EML1: variants seen among roughly 807,000 people sequenced by gnomAD.
EML1 encodes EMAP like 1.
Under a neutral mutation model 110.4 loss-of-function variants are expected in EML1, and 27 were observed. The observed-to-expected ratio is 0.24, with a 90% CI of 0.18 to 0.34. EML1 has a LOEUF of 0.34. Among genes scored for constraint, EML1 ranks in the 10% least tolerant of loss-of-function variants. The pLI is 1.00. For synonymous variants in EML1, 344 were observed against 385.8 expected, an observed-to-expected ratio of 0.89 and a Z score of 1.27; for missense variants, 741 against 1,030.9, an observed-to-expected ratio of 0.72 and a Z score of 3.85.
chr14:99,846,259 A>G (rs1450298701), intron 1 of EML1, among the ~76,000 whole-genome samples: 7 of 142,276 alleles, frequency 4.9e-5, no homozygotes, highest in African/African-American at 7.7e-5. Context: ...TTGGAATGCC[A>G]TTCTTATTTT....
rs11316684 is a variant in EML1, at chr14:99,915,412, CAA to C, written c.1752+736_1752+737del. 3.9e-3 allele frequency: 332 copies of C among 86,010 alleles called. 2 individuals are homozygous for C. The highest frequency in any genetic ancestry group is 0.013 in the Middle Eastern group (2 of 150). 5.3% of individuals were successfully genotyped at this position (86,010 alleles called of 1,614,324 possible). A position where few individuals can be genotyped will look rare whatever the true frequency, so the allele number is the denominator to read the frequency against. Reference sequence around the variant, plus strand: ...GGGCAACAAGAGCAAAATTCTGTCTCAAAAAAAAAAAAAAAAAAAAAAGTCAA... The same window carrying C: ...GGGCAACAAGAGCAAAATTCTGTCTCAAAAAAAAAAAAAAAAAAAAGTCAA... On this transcript the variant is annotated intron_variant, in intron 15 of 21. Transcript: ENST00000262233.
intron 1 of EML1, among the ~76,000 whole-genome samples, chr14:99,754,179 G>A (rs992608374): frequency 3.9e-5 from 6 of 152,246 alleles, no homozygotes; most frequent in African/African-American, 1.4e-4. Flanking sequence ...GGCCTTTGTT[G>A]GACCCCTGGC....
At chr14:99,776,564 G>A (rs1034657899) in intron 1 of EML1, among the ~76,000 whole-genome samples, 5 of 151,410 alleles carry the variant, frequency 3.3e-5, no homozygotes, top group Admixed American at 6.6e-5. Flanking sequence ...ATGTACAGCC[G>A]AACATTTTAC....
At chr14:99,826,105 A>ATTTTT (rs71113225) in intron 1 of EML1, among the ~76,000 whole-genome samples, 91 of 79,956 alleles carry the variant, frequency 1.1e-3, no homozygotes, top group African/African-American at 1.4e-3. Flanking sequence ...CTGTGCATTG[A>ATTTTT]TTTTTTTTTT....
rs1595516653 is a variant in EML1, at chr14:99,939,727, C to G, written c.2323-260C>G. ...GGCCCACCTTTGGGGCGACCTCATA[C>G]CTGGCACCTCTGATACTGAGCATAT... On this transcript the variant is annotated intron_variant, in intron 21 of 21. Coordinates refer to ENST00000262233, the MANE Select transcript of EML1 (RefSeq NM_004434.3). This position sits in a 1 kb window ranked among gnomAD's most constrained non-coding sequence, Gnocchi z 4.2. 2.6e-5 allele frequency among the ~76,000 whole-genome samples: 4 copies of G among 152,116 alleles called. No homozygotes were observed. The highest frequency in any genetic ancestry group is 2.6e-4 in the Admixed American group (4 of 15,268).
At chr14:99,764,760 A>C (rs2057350529) in intron 1 of EML1, among the ~76,000 whole-genome samples, 1 of 152,252 alleles carries the variant, frequency 6.6e-6, no homozygotes, top group East Asian at 1.9e-4. Context: ...AGCTTGGAGC[A>C]GGATGTGATA....
In EML1 at chr14:99,940,277, G is replaced by A. The variant is rs555808273; in HGVS notation, c.*165G>A. ...TTAGCGTGTCAGCGGGCGCCACAGC[G>A]GATCAGCGGTTCCGTGTTCACTTTT... is the stretch of plus-strand genomic sequence containing the variant. On this transcript the variant is annotated 3_prime_UTR_variant, in exon 22 of 22. Transcript: ENST00000262233. The A allele has an allele frequency of 3.3e-5, 30 of 903,156 alleles. No homozygotes were observed. In the Middle Eastern group the frequency reaches 1.4e-3, roughly 41 times the overall value. The allele number at this position is 903,156 out of a possible 1,614,324, so 55.9% of individuals were successfully genotyped here.
chr14:99,754,435 A>G (rs755087361), intron 1 of EML1, among the ~76,000 whole-genome samples: 88 of 151,308 alleles, frequency 5.8e-4, no homozygotes, highest in Non-Finnish European at 9.6e-4. Flanking sequence ...GCTCCACCAG[A>G]CCTCTGGGTG....
intron 1 of EML1, among the ~76,000 whole-genome samples, chr14:99,747,506 G>A (rs1262900614): frequency 6.6e-6 from 1 of 152,170 alleles, no homozygotes; most frequent in Non-Finnish European, 1.5e-5. Flanking sequence ...TTGGGGGGTG[G>A]CATGTTGGGT....
chr14:99,786,355 G>A, intron 1 of EML1, among the ~76,000 whole-genome samples: 1 of 152,220 alleles, frequency 6.6e-6, no homozygotes, highest in East Asian at 1.9e-4. Flanking sequence ...AACCTATCAT[G>A]TGTAATGGGC....
At chr14:99,887,060 G>C (rs763620654) in intron 4 of EML1, among the ~76,000 whole-genome samples, 3 of 152,158 alleles carry the variant, frequency 2.0e-5, no homozygotes, top group Non-Finnish European at 4.4e-5. Flanking sequence ...CTGCACTGCT[G>C]TCTGTTGGTT....
chr14:99,882,168 T>G (rs2059396063), intron 4 of EML1, among the ~76,000 whole-genome samples: 1 of 152,232 alleles, frequency 6.6e-6, no homozygotes. Context: ...AATTACATAG[T>G]GATTCATGTC....
Position 99,765,588 on chromosome 14 carries a change from T to C in EML1, c.28+27728T>C, listed in dbSNP as rs192811912. Among the ~76,000 whole-genome samples, 14 of 152,250 alleles carry C rather than the reference T, an allele frequency of 9.2e-5. No homozygotes were observed. In the East Asian group the frequency reaches 2.5e-3, roughly 27 times the overall value. On this transcript the variant is annotated intron_variant, in intron 1 of 10. Transcript: ENST00000554479. ...TTAAAGTTAAAAATATTACATTGTATAGATTTACCGCACTATATATATATA... is the reference window on the plus strand; with the variant it reads ...TTAAAGTTAAAAATATTACATTGTACAGATTTACCGCACTATATATATATA...
At chr14:99,875,313 G>T (rs2059271841) in intron 3 of EML1, among the ~76,000 whole-genome samples, 1 of 152,132 alleles carries the variant, frequency 6.6e-6, no homozygotes. Flanking sequence ...TTCTTCATCT[G>T]TAAAATGAGG....
chr14:99,772,064 CTCTT>C (rs1304044205), upstream of EML1, among the ~76,000 whole-genome samples: 1 of 152,150 alleles, frequency 6.6e-6, no homozygotes, highest in East Asian at 1.9e-4. Flanking sequence ...ATTTTTCTGG[CTCTT>C]TGTGAGTGGA....
intron 1 of EML1, among the ~76,000 whole-genome samples, chr14:99,787,570 C>T (rs1430813785): frequency 1.3e-5 from 2 of 152,186 alleles, no homozygotes; most frequent in African/African-American, 2.4e-5. Context: ...TGAGCCACCA[C>T]ACCCAGATTG....
intron 2 of EML1, among the ~76,000 whole-genome samples, chr14:99,863,208 G>A (rs1019172160): frequency 1.3e-5 from 2 of 152,190 alleles, no homozygotes; most frequent in African/African-American, 4.8e-5. Context: ...CTAGAATACA[G>A]TGCTGATGCG....
intron 2 of EML1, among the ~76,000 whole-genome samples, chr14:99,857,902 T>G (rs916401350): frequency 2.0e-5 from 3 of 152,258 alleles, no homozygotes; most frequent in Admixed American, 1.3e-4. Flanking sequence ...TATATTGAAT[T>G]TTTAATGTTA....
intron 17 of EML1, among the ~76,000 whole-genome samples, chr14:99,926,803 G>A (rs957682035): frequency 6.6e-6 from 1 of 151,600 alleles, no homozygotes; most frequent in African/African-American, 2.4e-5. Flanking sequence ...GAGTGCAGTG[G>A]CGTGATCTCA....
Sources: allele counts gnomAD v4.1 joint callset (sites outside exome capture counted in the v4.1 genomes callset), GRCh38; gene constraint gnomAD v4.1.1; non-coding constraint Gnocchi (gnomAD v3.1); transcripts MANE v1.5; gene names NCBI Gene and HGNC (gene_info 2026-07-23, HGNC 2026-07-21).